Variants in ANKRD30A observed in about 807,000 individuals in gnomAD.
ANKRD30A encodes ankyrin repeat domain 30A.
ANKRD30A carries 170 observed loss-of-function variants against 166.3 expected under a neutral mutation model. That is an observed-to-expected ratio of 1.02 (90% CI 0.90 to 1.16). ANKRD30A has a LOEUF of 1.16. Among genes scored for constraint, ANKRD30A ranks in the 50% most tolerant of loss-of-function variants. The pLI, the probability that ANKRD30A is intolerant of heterozygous loss-of-function variation, is 0.00. For missense variants in ANKRD30A, 1,630 were observed against 1,518.0 expected, an observed-to-expected ratio of 1.07 and a Z score of -1.23; for synonymous variants, 564 against 508.9, an observed-to-expected ratio of 1.11 and a Z score of -1.46.
At chr10:37,214,197 G>T (rs1588940314) in intron 31 of ANKRD30A, among the ~76,000 whole-genome samples, 3 of 151,548 alleles carry the variant, frequency 2.0e-5, no homozygotes, top group African/African-American at 7.2e-5. Flanking sequence ...GCTATGAAAT[G>T]TACTTTGGTA....
chr10:37,164,738 T>G (rs1839173649), intron 17 of ANKRD30A, among the ~76,000 whole-genome samples: 1 of 152,032 alleles, frequency 6.6e-6, no homozygotes. Flanking sequence ...AAGTAAAAAG[T>G]AACAAAGAAA....
Position 37,198,473 on chromosome 10 carries a change from AG to A in ANKRD30A, c.2716+995del, listed in dbSNP as rs1334056317. ...ACATGCAGATTTCTGCATCTTTAAA[AG>A]GTTAGTTTTATCTGCTGATTTTTTG... On this transcript the variant is annotated intron_variant, in intron 29 of 35. Coordinates refer to ENST00000361713, the MANE Select transcript of ANKRD30A (RefSeq NM_052997.3). Among the ~76,000 whole-genome samples the A allele has an allele frequency of 2.0e-5, 3 of 152,112 alleles. No homozygotes were observed. The East Asian group carries it at 5.8e-4, about 29-fold the overall frequency.
chr10:37,149,262 A>C (rs1837733025), intron 9 of ANKRD30A, among the ~76,000 whole-genome samples: 1 of 152,066 alleles, frequency 6.6e-6, no homozygotes, highest in Admixed American at 6.6e-5. Flanking sequence ...CTCTCATCAT[A>C]ACTATGTACT....
chr10:37,210,789 C>A (rs1021979317), intron 31 of ANKRD30A, among the ~76,000 whole-genome samples: 1 of 152,012 alleles, frequency 6.6e-6, no homozygotes, highest in Non-Finnish European at 1.5e-5. Flanking sequence ...CTGTTCATAT[C>A]CTTTGCTCAC....
chr10:37,133,209 G>A (rs562804988), intron 4 of ANKRD30A, among the ~76,000 whole-genome samples: 1 of 152,116 alleles, frequency 6.6e-6, no homozygotes, highest in East Asian at 1.9e-4. Context: ...TATGGGTAGA[G>A]GAAGAAAGAC....
At chr10:37,228,891 C>G (rs1218413102) in intron 34 of ANKRD30A, among the ~76,000 whole-genome samples, 1 of 151,900 alleles carries the variant, frequency 6.6e-6, no homozygotes, top group Non-Finnish European at 1.5e-5. Context: ...CTAACAATTG[C>G]CCACAATTTA....
chr10:37,263,562 G>C, the ANKRD30A span, among the ~76,000 whole-genome samples: 1 of 151,670 alleles, frequency 6.6e-6, no homozygotes, highest in Non-Finnish European at 1.5e-5. Flanking sequence ...GAAGGAACAC[G>C]CAACCTAGGT....
chr10:37,137,877 T>C (rs1045128640), intron 6 of ANKRD30A, among the ~76,000 whole-genome samples: 1 of 152,028 alleles, frequency 6.6e-6, no homozygotes, highest in Non-Finnish European at 1.5e-5. Flanking sequence ...AGAGTAGTGG[T>C]TCTCGCAGCA....
At chr10:37,235,288 C>A (rs1030300034), downstream of ANKRD30A, among the ~76,000 whole-genome samples, 24 of 152,154 alleles carry the variant, frequency 1.6e-4, no homozygotes, top group Admixed American at 2.0e-4. Context: ...TATGCTTAAT[C>A]TATCAGCTCT....
At chr10:37,165,221 C>T (rs548961494) in intron 18 of ANKRD30A, 66 bp downstream of exon 18, 6 of 1,448,238 alleles carry the variant, frequency 4.1e-6, no homozygotes, top group African/African-American at 1.4e-5. Context: ...AAATCAGATG[C>T]TTAGTCTTTA....
chr10:37,147,965 T>A (rs560379835), intron 9 of ANKRD30A, among the ~76,000 whole-genome samples: 1 of 152,328 alleles, frequency 6.6e-6, no homozygotes, highest in South Asian at 2.1e-4. Flanking sequence ...AGGAATGGAA[T>A]TATCTGAGCA....
In ANKRD30A at chr10:37,129,979, A is replaced by G; in HGVS notation, c.308A>G (p.Asp103Gly). ...VDRKCQLDVL[D>G]GEHRTPLMKA... ...AGAAAGTGCCAGCTTGACGTCCTTG[A>G]TGGCGAACACAGGACACCTCTGATG... Residue 103 changes from aspartate to glycine, a missense_variant, in exon 2 of 36, where the codon GAT becomes GGT. Asp to Gly is a moderately conservative substitution (Grantham distance 94). Coordinates refer to ENST00000361713, the MANE Select transcript of ANKRD30A (RefSeq NM_052997.3). The G allele has an allele frequency of 1.9e-6, 3 of 1,578,006 alleles. No individual in the cohort carries two copies. Among genetic ancestry groups the G allele is most frequent in the Non-Finnish European group, 2.6e-6 (3 of 1,159,904 alleles).
At chr10:37,132,856 G>A (rs1836460567) in intron 4 of ANKRD30A, among the ~76,000 whole-genome samples, 1 of 152,102 alleles carries the variant, frequency 6.6e-6, no homozygotes, top group South Asian at 2.1e-4. Context: ...AAATTAGCTG[G>A]GCATGATGGC....
chr10:37,159,672 A>T (rs1227584671), intron 15 of ANKRD30A, among the ~76,000 whole-genome samples: 15 of 151,550 alleles, frequency 9.9e-5, no homozygotes, highest in Admixed American at 5.3e-4. Flanking sequence ...ATTTTCTTCT[A>T]TTTTTGTTTG....
intron 5 of ANKRD30A, among the ~76,000 whole-genome samples, chr10:37,134,769 C>T (rs1311701204): frequency 6.6e-6 from 1 of 152,222 alleles, no homozygotes; most frequent in Non-Finnish European, 1.5e-5. Context: ...TGGCCTAGAC[C>T]TTCAGGGTAA....
intron 7 of ANKRD30A, among the ~76,000 whole-genome samples, chr10:37,143,108 A>G (rs1837268014): frequency 6.6e-6 from 1 of 152,192 alleles, no homozygotes; most frequent in Non-Finnish European, 1.5e-5. Flanking sequence ...TACTGTGATT[A>G]GCTTAGAATA....
intron 25 of ANKRD30A, among the ~76,000 whole-genome samples, chr10:37,190,036 T>A (rs375778406): frequency 1.3e-5 from 2 of 152,006 alleles, no homozygotes; most frequent in African/African-American, 4.8e-5. Context: ...CTTAATGTCT[T>A]TCTCACTTGT....
intron 6 of ANKRD30A, among the ~76,000 whole-genome samples, chr10:37,139,021 T>G (rs1836918424): frequency 6.6e-6 from 1 of 152,114 alleles, no homozygotes; most frequent in African/African-American, 2.4e-5. Flanking sequence ...GACTAACAGC[T>G]GATGTCTCGG....
rs113459927 is a variant in ANKRD30A, at chr10:37,200,159, G to T, written c.2778+371G>T. On this transcript the variant is annotated intron_variant, in intron 30 of 35. Transcript: ENST00000361713. ...TCTAGATGTACAAAAGTTCTAATTG[G>T]ATTCATAGAGAGACAGTTTAAGCTG... Among the ~76,000 whole-genome samples the T allele has an allele frequency of 4.9e-3, 746 of 152,102 alleles. 8 individuals are homozygous for T. Among genetic ancestry groups the T allele is most frequent in the African/African-American group, 0.017 (708 of 41,536 alleles).
Sources: gnomAD v4.1 joint callset for allele counts (sites outside exome capture counted in the v4.1 genomes callset) on GRCh38, gnomAD v4.1.1 for gene constraint, MANE v1.5 for transcripts, NCBI Gene and HGNC (gene_info 2026-07-23, HGNC 2026-07-21) for gene names.